RMDN2: variants seen among roughly 807,000 people sequenced by gnomAD.
RMDN2 encodes regulator of microtubule dynamics 2, also known as regulator of microtubule dynamics protein 2.
A neutral mutation model predicts 52.8 loss-of-function variants in RMDN2; 61 were observed. The ratio of observed to expected loss-of-function variants is 1.16; its 90% CI spans 0.94 to 1.43. The LOEUF is 1.43. Ranked by LOEUF, RMDN2 falls within the 40% of genes most tolerant of loss-of-function variation. The probability of loss-of-function intolerance (pLI) is 0.00; values close to 1 mark genes in which losing one functional copy is unlikely to be tolerated. For missense variants in RMDN2, 592 were observed against 475.3 expected (o/e 1.25, Z -2.28); for synonymous variants, 180 against 153.1 (o/e 1.18, Z -1.30).
In RMDN2 at chr2:37,929,605, G is replaced by T; in HGVS notation, c.328G>T (p.Glu110Ter). The T allele has an allele frequency of 1.3e-6, 2 of 1,551,614 alleles. No individual in the cohort carries two copies. Among genetic ancestry groups the T allele is most frequent in the South Asian group, 2.4e-5 (2 of 84,040 alleles). Residue 110 changes from glutamate (E) to a stop codon, truncating the protein, a stop_gained, in exon 2 of 11, where the codon GAA becomes TAA. Transcript: ENST00000354545. LOFTEE classifies it high-confidence loss of function. ...IPKLEEYIQD[E>*]LGGKITVHKI... is the part of the protein sequence containing the mutation. ...AAAGCTGGAGGAATATATACAAGAT[G>T]AACTTGGAGGGAAAATAACTGTTCA...
At chr2:38,041,172 A>G (rs1680924636) in intron 10 of RMDN2, among the ~76,000 whole-genome samples, 2 of 152,134 alleles carry the variant, frequency 1.3e-5, no homozygotes. Context: ...GATGTCAAGG[A>G]TCAGGCCTTG....
intron 3 of RMDN2, among the ~76,000 whole-genome samples, 161 bp downstream of exon 3, chr2:37,974,375 T>C (rs1672191921): frequency 6.6e-6 from 1 of 152,092 alleles, no homozygotes; most frequent in Non-Finnish European, 1.5e-5. Flanking sequence ...AATTTATTTT[T>C]TATTTAAGAT....
At chr2:37,937,927 T>A (rs1667447254) in intron 2 of RMDN2, among the ~76,000 whole-genome samples, 1 of 152,228 alleles carries the variant, frequency 6.6e-6, no homozygotes, top group African/African-American at 2.4e-5. Flanking sequence ...CAGTGCTATG[T>A]TGAATAGGAG....
At chr2:37,969,469 C>T (rs1264500747) in intron 2 of RMDN2, among the ~76,000 whole-genome samples, 1 of 151,072 alleles carries the variant, frequency 6.6e-6, no homozygotes, top group Non-Finnish European at 1.5e-5. Flanking sequence ...ATTTTTCTTA[C>T]TATTATAAAT....
chr2:37,965,726 G>T (rs1286731421), intron 2 of RMDN2, among the ~76,000 whole-genome samples: 1 of 152,008 alleles, frequency 6.6e-6, no homozygotes, highest in African/African-American at 2.4e-5. Context: ...TTTTTGTATG[G>T]TTCAAGTGAC....
chr2:38,021,411 T>C (rs931123763), downstream of RMDN2, among the ~76,000 whole-genome samples: 1 of 152,116 alleles, frequency 6.6e-6, no homozygotes, highest in Non-Finnish European at 1.5e-5. Context: ...AAGCTTTGTT[T>C]TTTTGCTCTT....
In RMDN2 at chr2:38,063,532, A is replaced by G. The variant is rs555944333; in HGVS notation, c.1714-3450A>G. ...CTAAAACACCAAAAGTAATGGCAAC[A>G]AAAGCCAAAATTGACAAATGGGATC... On this transcript the variant is annotated intron_variant, in intron 10 of 10. Transcript: ENST00000234195. Among the ~76,000 whole-genome samples, 20 of 152,330 alleles carry G rather than the reference A, an allele frequency of 1.3e-4. No individual in the cohort carries two copies. In the South Asian group the frequency reaches 3.9e-3, roughly 30 times the overall value.
chr2:38,010,960 C>G (rs1677899186), intron 10 of RMDN2, among the ~76,000 whole-genome samples: 1 of 152,136 alleles, frequency 6.6e-6, no homozygotes, highest in African/African-American at 2.4e-5. Flanking sequence ...ACCAGGAGGC[C>G]CCTACCAGTT....
chr2:37,948,671 G>A (rs1382360830), intron 2 of RMDN2, among the ~76,000 whole-genome samples: 1 of 152,160 alleles, frequency 6.6e-6, no homozygotes, highest in South Asian at 2.1e-4. Context: ...CACCTAGAAC[G>A]ATATTAATCA....
At chr2:38,059,950 T>G (rs772685832) in intron 10 of RMDN2, among the ~76,000 whole-genome samples, 2 of 152,070 alleles carry the variant, frequency 1.3e-5, no homozygotes, top group Admixed American at 6.5e-5. Context: ...CAGGCTGGAG[T>G]GCAGTGACTC....
At chr2:37,989,508 G>T (rs1472154753) in intron 5 of RMDN2, 33 bp from the exon 6 acceptor site, 1 of 1,444,630 alleles carries the variant, frequency 6.9e-7, no homozygotes, top group Non-Finnish European at 9.6e-7. Flanking sequence ...TTACACAGTG[G>T]CCACTGTTTT....
intron 10 of RMDN2, among the ~76,000 whole-genome samples, chr2:38,007,522 G>A (rs1677284943): frequency 6.6e-6 from 1 of 152,164 alleles, no homozygotes; most frequent in African/African-American, 2.4e-5. Flanking sequence ...TCTGATGGTA[G>A]TTTGTATTTC....
chr2:37,993,332 T>G (rs956721440), intron 7 of RMDN2, among the ~76,000 whole-genome samples: 4 of 152,186 alleles, frequency 2.6e-5, no homozygotes, highest in Admixed American at 6.5e-5. Flanking sequence ...GTTGGAACTC[T>G]TTCCACCAGG....
At chr2:37,952,445 T>G in intron 2 of RMDN2, 1 of 499,874 alleles carries the variant, frequency 2.0e-6, no homozygotes, top group Non-Finnish European at 3.5e-6. Flanking sequence ...TTTTCAGATT[T>G]ACTGCTTAAA....
At chr2:38,038,494 G>A (rs1274039314) in intron 10 of RMDN2, among the ~76,000 whole-genome samples, 2 of 152,166 alleles carry the variant, frequency 1.3e-5, no homozygotes, top group East Asian at 1.9e-4. Flanking sequence ...CTCCTGCACG[G>A]TTCAGGCCCG....
At chr2:38,048,114 G>T (rs935021438) in intron 10 of RMDN2, among the ~76,000 whole-genome samples, 2 of 152,120 alleles carry the variant, frequency 1.3e-5, no homozygotes, top group African/African-American at 4.8e-5. Context: ...TCCTTCTTTG[G>T]CAAGTATGTT....
At chr2:37,937,217 T>A (rs900312528) in intron 2 of RMDN2, among the ~76,000 whole-genome samples, 4 of 152,178 alleles carry the variant, frequency 2.6e-5, no homozygotes, top group African/African-American at 9.7e-5. Flanking sequence ...TGGTTGTAGA[T>A]GTGTGGTGTT....
intron 10 of RMDN2, among the ~76,000 whole-genome samples, chr2:38,043,980 T>A (rs976369678): frequency 2.0e-5 from 3 of 152,070 alleles, no homozygotes; most frequent in African/African-American, 4.8e-5. Flanking sequence ...AAGTGTCTGA[T>A]CTATATCATT....
chr2:38,030,006 C>G (rs1680068433), intron 10 of RMDN2: 1 of 152,066 alleles, frequency 6.6e-6, no homozygotes, highest in African/African-American at 2.4e-5. Context: ...TTACTCACTA[C>G]CACGAGAACA....
Sources: allele counts gnomAD v4.1 joint callset (sites outside exome capture counted in the v4.1 genomes callset), GRCh38; gene constraint gnomAD v4.1.1; transcripts MANE v1.5; gene names NCBI Gene and HGNC (gene_info 2026-07-23, HGNC 2026-07-21).